The following KCNMA1 variants were observed in gnomAD, a reference collection of about 807,000 sequenced individuals.
KCNMA1 encodes the protein potassium calcium-activated channel subfamily M alpha 1.
In KCNMA1, 29 loss-of-function variants were observed where a neutral mutation model predicts 140.0. The observed-to-expected ratio is 0.21, with a 90% CI of 0.15 to 0.28. The LOEUF is 0.28. Ranked by LOEUF, KCNMA1 falls within the 10% of genes least tolerant of loss-of-function variation. The pLI, the probability that KCNMA1 is intolerant of heterozygous loss-of-function variation, is 1.00. For missense variants in KCNMA1, 880 were observed against 1,602.2 expected, an observed-to-expected ratio of 0.55 and a Z score of 7.70; for synonymous variants, 612 against 611.9, an observed-to-expected ratio of 1.00 and a Z score of 0.00.
At chr10:77,467,158 C>T (rs1380026726) in intron 1 of KCNMA1, among the ~76,000 whole-genome samples, 4 of 152,100 alleles carry the variant, frequency 2.6e-5, no homozygotes, top group African/African-American at 7.2e-5. Flanking sequence ...TGGCTCTTGG[C>T]CTTATAGATT....
rs1016646908 is a variant in KCNMA1, at chr10:77,520,114, G to A, written c.379-116091C>T. ...TATGCAGTGTGAGGGTGTGCAGTGT[G>A]AGGTCCGGGGTATGCAGTGTGAGGG... On this transcript the variant is annotated intron_variant, in intron 1 of 27. Coordinates refer to ENST00000286628, the MANE Select transcript of KCNMA1 (RefSeq NM_001161352.2). Among the ~76,000 whole-genome samples, 11 of 151,088 alleles carry A rather than the reference G, an allele frequency of 7.3e-5. No individual in the cohort carries two copies. The South Asian group carries it at 2.3e-3, about 32-fold the overall frequency.
intron 17 of KCNMA1, among the ~76,000 whole-genome samples, chr10:77,018,339 A>C (rs1210094379): frequency 1.3e-5 from 2 of 152,174 alleles, no homozygotes; most frequent in Non-Finnish European, 2.9e-5. Flanking sequence ...TCTGCTAGTA[A>C]ATTTCTCCAA....
chr10:77,166,225 C>A (rs1164251939), intron 5 of KCNMA1, among the ~76,000 whole-genome samples: 1 of 152,168 alleles, frequency 6.6e-6, no homozygotes, highest in South Asian at 2.1e-4. Flanking sequence ...ACCATGTGCA[C>A]GTTGCTCCAG....
At position 77,435,259 on chromosome 10, in the gene KCNMA1, T is replaced by C. The variant is rs148571791; in HGVS notation, c.379-31236A>G. 1.6e-3 allele frequency among the ~76,000 whole-genome samples: 250 copies of C among 152,260 alleles called. No homozygotes were observed. The Middle Eastern group carries it at 0.02, about 12-fold the overall frequency. On this transcript the variant is annotated intron_variant, in intron 1 of 27. Transcript: ENST00000286628. ...AGCTTAAATAAATATATCTTAAGGA[T>C]ACTCCGTAACATTACCACATGTGAA...
chr10:77,099,551 C>T (rs528013314), intron 9 of KCNMA1, among the ~76,000 whole-genome samples: 3 of 152,174 alleles, frequency 2.0e-5, no homozygotes, highest in African/African-American at 7.2e-5. Context: ...CCCGTCTCTA[C>T]TAAAAATACA....
intron 2 of KCNMA1, among the ~76,000 whole-genome samples, chr10:77,309,328 C>T (rs1449309883): frequency 1.3e-5 from 2 of 152,150 alleles, no homozygotes; most frequent in East Asian, 1.9e-4. Flanking sequence ...CCAGGTGCTT[C>T]GAGGCTGGCC....
At chr10:77,200,322 T>C (rs1182656491) in intron 3 of KCNMA1, among the ~76,000 whole-genome samples, 5 of 152,078 alleles carry the variant, frequency 3.3e-5, no homozygotes, top group Non-Finnish European at 5.9e-5. Flanking sequence ...GGGGACAATA[T>C]AGAGTAGGAA....
chr10:76,914,473 C>T (rs1243018025), intron 24 of KCNMA1: 1 of 392,092 alleles, frequency 2.6e-6, no homozygotes, highest in Non-Finnish European at 4.7e-6. Flanking sequence ...AGTTATTACA[C>T]ATTAGCCCAG....
At chr10:77,441,103 G>A (rs182010053) in intron 1 of KCNMA1, among the ~76,000 whole-genome samples, 2 of 152,058 alleles carry the variant, frequency 1.3e-5, no homozygotes, top group Non-Finnish European at 2.9e-5. Context: ...GATTACAGGC[G>A]TGAGCCACCG....
chr10:77,327,783 C>CAA (rs66708485), intron 2 of KCNMA1, among the ~76,000 whole-genome samples: 13 of 146,634 alleles, frequency 8.9e-5, no homozygotes, highest in Non-Finnish European at 1.5e-4. Flanking sequence ...TAGCCCACTG[C>CAA]AAAAAAAAAA....
intron 2 of KCNMA1, among the ~76,000 whole-genome samples, chr10:77,387,909 C>T (rs905798087): frequency 6.6e-6 from 1 of 152,204 alleles, no homozygotes; most frequent in African/African-American, 2.4e-5. Context: ...TGAGCCACTG[C>T]ACCCAGCCCT....
At chr10:76,995,656 A>C (rs2084052292) in intron 19 of KCNMA1, 1 of 470,916 alleles carries the variant, frequency 2.1e-6, no homozygotes, top group Non-Finnish European at 4.4e-6. Context: ...AAGAGGAAGC[A>C]TTCACTGCCT....
At chr10:77,424,523 T>C (rs2096934738) in intron 1 of KCNMA1, among the ~76,000 whole-genome samples, 1 of 151,838 alleles carries the variant, frequency 6.6e-6, no homozygotes, top group Non-Finnish European at 1.5e-5. Context: ...CATTCATTCA[T>C]TCATTCATTC....
chr10:77,339,208 CAT>C (rs1201455995), intron 2 of KCNMA1, among the ~76,000 whole-genome samples: 1 of 151,976 alleles, frequency 6.6e-6, no homozygotes, highest in African/African-American at 2.4e-5. Context: ...CTTCCATGCC[CAT>C]CTCAGCTGAG....
rs141413300 is a variant in KCNMA1 at position 77,128,999 on chromosome 10, T to C, written c.809-7951A>G. On this transcript the variant is annotated intron_variant, in intron 5 of 27. Coordinates refer to ENST00000286628, the MANE Select transcript of KCNMA1 (RefSeq NM_001161352.2). ...CAGTGGTCCCCAGATTTCTCTGCCA[T>C]TGCAATCACCCGAGGATTTTAAAGC... Among the ~76,000 whole-genome samples the C allele has an allele frequency of 5.3e-5, 8 of 152,320 alleles. No homozygotes were observed. In the East Asian group the frequency reaches 1.2e-3, roughly 22 times the overall value.
intron 2 of KCNMA1, among the ~76,000 whole-genome samples, chr10:77,320,927 C>T (rs563210895): frequency 3.5e-4 from 53 of 152,274 alleles, no homozygotes; most frequent in African/African-American, 1.1e-3. Context: ...GTTGAGCTGA[C>T]GGCTCCTCCA....
chr10:77,392,347 A>G (rs1257939113), intron 2 of KCNMA1, among the ~76,000 whole-genome samples: 1 of 152,050 alleles, frequency 6.6e-6, no homozygotes. Flanking sequence ...CCAACTACTC[A>G]CATATTTGCC....
chr10:77,579,412 T>G lies in KCNMA1; in HGVS notation c.378+57853A>C, dbSNP rs2075208897. 3.9e-5 allele frequency among the ~76,000 whole-genome samples: 6 copies of G among 152,344 alleles called. No homozygotes were observed. In the South Asian group the frequency reaches 1.2e-3, roughly 32 times the overall value. ...TCACAATTACTCAACTCTGCCACGG[T>G]AAGCTTGAAAGCAGCCATAAAAGAT... On this transcript the variant is annotated intron_variant, in intron 1 of 27. Transcript: ENST00000286628.
At chr10:77,325,771 G>A (rs532274724) in intron 2 of KCNMA1, among the ~76,000 whole-genome samples, 14 of 152,042 alleles carry the variant, frequency 9.2e-5, no homozygotes, top group East Asian at 1.9e-4. Flanking sequence ...TCTCCTTGTC[G>A]CCATACCATT....
Sources: gnomAD v4.1 joint callset for allele counts (sites outside exome capture counted in the v4.1 genomes callset) on GRCh38, gnomAD v4.1.1 for gene constraint, MANE v1.5 for transcripts, NCBI Gene and HGNC (gene_info 2026-07-23, HGNC 2026-07-21) for gene names.